The following SPIDR variants were observed in gnomAD, a reference collection of about 807,000 sequenced individuals.
SPIDR encodes DNA repair-scaffolding protein.
Under a neutral mutation model 104.6 loss-of-function variants are expected in SPIDR, and 93 were observed. That is an observed-to-expected ratio of 0.89 (90% confidence interval 0.75 to 1.06). SPIDR has a LOEUF of 1.06. Ranked by LOEUF, SPIDR falls within the 50% of genes least tolerant of loss-of-function variation. The probability of loss-of-function intolerance (pLI) is 0.00; values close to 1 mark genes in which losing one functional copy is unlikely to be tolerated. For missense variants in SPIDR, 1,154 were observed against 1,111.2 expected, an observed-to-expected ratio of 1.04 and a Z score of -0.55; for synonymous variants, 431 against 416.9, an observed-to-expected ratio of 1.03 and a Z score of -0.41.
At position 47,502,109 on chromosome 8, in the gene SPIDR, T is replaced by G. The variant is rs963560545; in HGVS notation, c.1097+61567T>G. ...ATATTGGTCTAAAATTGTCTTTTTT[T>G]GTTGTGTCTCTGCCAGGCTTTGGTA... On this transcript the variant is annotated intron_variant, in intron 8 of 19. Coordinates refer to ENST00000297423, the MANE Select transcript of SPIDR (RefSeq NM_001080394.4). 1.0e-3 allele frequency among the ~76,000 whole-genome samples: 157 copies of G among 152,334 alleles called. 1 individual carries two copies. Among genetic ancestry groups the G allele is most frequent in the African/African-American group, 3.5e-3 (145 of 41,578 alleles).
rs1484648447 is a variant in SPIDR, at chr8:47,626,546, AAAAC to A, written c.1544+27357_1544+27360del. Among the ~76,000 whole-genome samples, 9 of 152,198 alleles carry A rather than the reference AAAAC, an allele frequency of 5.9e-5. No individual in the cohort carries two copies. In the South Asian group the frequency reaches 8.3e-4, roughly 14 times the overall value. ...TGAACTCAAACAAATTTACAAGAAAAAAACAAACAACCCCATCAACAAATGGGCG... is the reference window on the plus strand; with the variant it reads ...TGAACTCAAACAAATTTACAAGAAAAAAACAACCCCATCAACAAATGGGCG... On this transcript the variant is annotated intron_variant, in intron 10 of 19. Coordinates refer to ENST00000297423, the MANE Select transcript of SPIDR (RefSeq NM_001080394.4).
In SPIDR at chr8:47,659,946, A is replaced by G. The variant is rs958134469; in HGVS notation, c.1545-13855A>G. Reference sequence around the variant, plus strand: ...CTCCCATAACTCACGTAAACATCCCACATAGCCACTTAATCTGCCCTCTCA... The same window carrying G: ...CTCCCATAACTCACGTAAACATCCCGCATAGCCACTTAATCTGCCCTCTCA... On this transcript the variant is annotated intron_variant, in intron 10 of 19. Coordinates refer to ENST00000297423, the MANE Select transcript of SPIDR (RefSeq NM_001080394.4). Among the ~76,000 whole-genome samples, 18 of 152,106 alleles carry G rather than the reference A, an allele frequency of 1.2e-4. 1 individual carries two copies. The highest frequency in any genetic ancestry group is 1.0e-3 in the Admixed American group (16 of 15,266).
intron 5 of SPIDR, among the ~76,000 whole-genome samples, chr8:47,385,370 A>G (rs2154303045): frequency 6.6e-6 from 1 of 152,372 alleles, no homozygotes; most frequent in African/African-American, 2.4e-5. Context: ...TATAAATACC[A>G]TAACCAGCAC....
chr8:47,509,027 A>T (rs2081921598), intron 8 of SPIDR, among the ~76,000 whole-genome samples: 1 of 152,134 alleles, frequency 6.6e-6, no homozygotes, highest in Non-Finnish European at 1.5e-5. Context: ...ACGAGAGAAG[A>T]GCGGCTATTG....
chr8:47,312,702 C>T (rs1288128665), intron 5 of SPIDR, among the ~76,000 whole-genome samples: 7 of 152,116 alleles, frequency 4.6e-5, no homozygotes, highest in Non-Finnish European at 1.0e-4. Context: ...GTTTCTTGTG[C>T]TGTGCAGAAG....
intron 8 of SPIDR, among the ~76,000 whole-genome samples, chr8:47,540,308 G>A (rs1392689848): frequency 6.6e-6 from 1 of 152,066 alleles, no homozygotes; most frequent in Non-Finnish European, 1.5e-5. Flanking sequence ...CATCCAAAAA[G>A]AATTTGCTAA....
chr8:47,674,017 ATTTT>A, intron 11 of SPIDR, 76 bp downstream of exon 11: 1 of 1,500,918 alleles, frequency 6.7e-7, no homozygotes, highest in Non-Finnish European at 8.9e-7. Context: ...CTCTAATTTT[ATTTT>A]TAAAATTAAA....
rs75609635 is a variant in SPIDR, at chr8:47,277,313, T to TTGTTATGTTA, written c.34-2492_34-2483dup. ...TATTTTATTTTAATTTATGTTATGT[T>TTGTTATGTTA]TGTTATGTTATGTTATGTTATGTTA... is the stretch of plus-strand genomic sequence containing the variant. On this transcript the variant is annotated intron_variant, in intron 1 of 19. Transcript: ENST00000297423. Among the ~76,000 whole-genome samples the TTGTTATGTTA allele has an allele frequency of 2.4e-3, 334 of 142,056 alleles. 3 individuals carry two copies. The highest frequency in any genetic ancestry group is 4.2e-3 in the East Asian group (20 of 4,774). 93.2% of individuals were successfully genotyped at this position (142,056 alleles called of 152,430 possible). A position where few individuals can be genotyped will look rare whatever the true frequency, so the allele number is the denominator to read the frequency against.
rs188914447 is a variant in SPIDR at position 47,557,260 on chromosome 8, G to A, written c.1098-38551G>A. Among the ~76,000 whole-genome samples, 323 of 152,276 alleles carry A rather than the reference G, an allele frequency of 2.1e-3. 1 individual carries two copies. Among genetic ancestry groups the A allele is most frequent in the Non-Finnish European group, 3.3e-3 (223 of 68,016 alleles). ...GGAGAGAAGGAGAAGATGGAAAAAA[G>A]GGGGTGACCTTTGGGTAGTCAATGC... On this transcript the variant is annotated intron_variant, in intron 8 of 19. Transcript: ENST00000297423.
Position 47,386,903 on chromosome 8 carries a change from A to AGG in SPIDR, c.526-9472_526-9471insGG, listed in dbSNP as rs547557539. Among the ~76,000 whole-genome samples, 15 of 44,558 alleles carry AGG rather than the reference A, an allele frequency of 3.4e-4. No homozygotes were observed. In the East Asian group the frequency reaches 5.2e-3, roughly 15 times the overall value. The allele number at this position is 44,558 out of a possible 152,430, so 29.2% of individuals were successfully genotyped here. A position where few individuals can be genotyped will look rare whatever the true frequency, so the allele number is the denominator to read the frequency against. ...GAGAGAGAGAGAGAAAGAGAGAGAG[A>AGG]GATATAGATATAGATATAGATATAG... On this transcript the variant is annotated intron_variant, in intron 5 of 19. Coordinates refer to ENST00000297423, the MANE Select transcript of SPIDR (RefSeq NM_001080394.4).
chr8:47,357,160 A>T (rs1172773926), intron 5 of SPIDR, among the ~76,000 whole-genome samples: 1 of 152,204 alleles, frequency 6.6e-6, no homozygotes, highest in Non-Finnish European at 1.5e-5. Flanking sequence ...TAGGGGAAAG[A>T]GTGTGAATTT....
chr8:47,608,286 T>C (rs1289378525), intron 10 of SPIDR, among the ~76,000 whole-genome samples: 1 of 152,254 alleles, frequency 6.6e-6, no homozygotes, highest in Non-Finnish European at 1.5e-5. Flanking sequence ...TCATTCCTTG[T>C]TATGGATGAA....
intron 10 of SPIDR, among the ~76,000 whole-genome samples, chr8:47,608,811 C>T (rs188896331): frequency 4.6e-5 from 7 of 152,348 alleles, no homozygotes; most frequent in Admixed American, 1.3e-4. Context: ...GCAACCTCGG[C>T]CTCCTGGTTC....
intron 6 of SPIDR, among the ~76,000 whole-genome samples, chr8:47,399,425 T>C (rs1175818863): frequency 6.6e-6 from 1 of 152,236 alleles, no homozygotes; most frequent in African/African-American, 2.4e-5. Context: ...GCTTGGGAAC[T>C]AGTTCTTTCC....
At chr8:47,374,207 A>G (rs1361711965) in intron 5 of SPIDR, among the ~76,000 whole-genome samples, 2 of 152,216 alleles carry the variant, frequency 1.3e-5, no homozygotes, top group African/African-American at 4.8e-5. Flanking sequence ...AAACAGGATA[A>G]TAGTAAGCAG....
chr8:47,297,726 T>G (rs1211903590), intron 5 of SPIDR, among the ~76,000 whole-genome samples: 1 of 152,130 alleles, frequency 6.6e-6, no homozygotes, highest in Admixed American at 6.5e-5. Context: ...TTTGTCCTTG[T>G]GATAGTTTGC....
intron 8 of SPIDR, among the ~76,000 whole-genome samples, chr8:47,492,496 T>G (rs1430326699): frequency 6.6e-6 from 1 of 152,164 alleles, no homozygotes; most frequent in Non-Finnish European, 1.5e-5. Context: ...GAATACCAAA[T>G]TATTAGTGAC....
chr8:47,582,342 GA>G (rs1233433580), intron 8 of SPIDR, among the ~76,000 whole-genome samples: 1 of 151,964 alleles, frequency 6.6e-6, no homozygotes, highest in African/African-American at 2.4e-5. Flanking sequence ...GCTAAGCACA[GA>G]AAAAAATCAA....
At chr8:47,735,222 A>G in intron 19 of SPIDR, 85 bp from the exon 20 acceptor site, 1 of 1,362,854 alleles carries the variant, frequency 7.3e-7, no homozygotes, top group East Asian at 2.3e-5. Flanking sequence ...AGGGCCTTCC[A>G]CTCTGGCTCT....
Sources: gnomAD v4.1 joint callset for allele counts (sites outside exome capture counted in the v4.1 genomes callset) on GRCh38, gnomAD v4.1.1 for gene constraint, MANE v1.5 for transcripts, NCBI Gene and HGNC (gene_info 2026-07-23, HGNC 2026-07-21) for gene names.